Variants in JAZF1 observed in about 807,000 individuals in gnomAD.
The protein encoded by JAZF1 is JAZF zinc finger 1, also known as juxtaposed with another zinc finger protein 1.
Under a neutral mutation model 26.4 loss-of-function variants are expected in JAZF1, and 8 were observed. That is an observed-to-expected ratio of 0.30 (90% confidence interval 0.18 to 0.55). The LOEUF (loss-of-function observed/expected upper bound fraction) is 0.55. JAZF1 is among the 20% of genes least tolerant of loss of function. The pLI is 0.94. For synonymous variants in JAZF1, 126 were observed against 122.3 expected, an observed-to-expected ratio of 1.03 and a Z score of -0.20; for missense variants, 199 against 322.0, an observed-to-expected ratio of 0.62 and a Z score of 2.92.
intron 3 of JAZF1, 122 bp downstream of exon 3, chr7:27,895,098 C>T (rs778088166): frequency 1.1e-4 from 54 of 494,476 alleles, no homozygotes; most frequent in Middle Eastern, 1.0e-3. Context: ...GTGAAAGGAT[C>T]AACGATGTGG....
intron 1 of JAZF1, among the ~76,000 whole-genome samples, chr7:28,089,177 T>G (rs957446630): frequency 1.9e-4 from 29 of 152,224 alleles, no homozygotes; most frequent in African/African-American, 6.8e-4. Flanking sequence ...AATGTGATGG[T>G]CTGTGGCGAT....
chr7:28,088,715 C>T (rs1784247267), intron 1 of JAZF1, among the ~76,000 whole-genome samples: 1 of 152,200 alleles, frequency 6.6e-6, no homozygotes, highest in Non-Finnish European at 1.5e-5. Context: ...TCTGTTAGAA[C>T]TCTGTTATTT....
chr7:27,871,966 T>C (rs1783590967), intron 3 of JAZF1, among the ~76,000 whole-genome samples: 1 of 152,178 alleles, frequency 6.6e-6, no homozygotes, highest in Admixed American at 6.5e-5. Context: ...CTTCAGAAAA[T>C]GCAGCTGAAA....
intron 1 of JAZF1, among the ~76,000 whole-genome samples, chr7:28,111,915 C>T (rs1583566758): frequency 6.6e-6 from 1 of 152,300 alleles, no homozygotes; most frequent in Non-Finnish European, 1.5e-5. Context: ...AAGGAAGAAA[C>T]AAGACTTGGG....
chr7:28,000,314 G>A (rs959478775), intron 1 of JAZF1, among the ~76,000 whole-genome samples: 1 of 152,186 alleles, frequency 6.6e-6, no homozygotes, highest in Non-Finnish European at 1.5e-5. Context: ...TATCTAGGGG[G>A]TAGAGGGCAG....
chr7:28,151,469 T>C (rs1048900814), intron 1 of JAZF1, among the ~76,000 whole-genome samples: 4 of 152,124 alleles, frequency 2.6e-5, no homozygotes, highest in African/African-American at 9.7e-5. Context: ...ATTTTCATGT[T>C]TTCCTTTATT....
intron 2 of JAZF1, among the ~76,000 whole-genome samples, chr7:27,904,882 G>A (rs1363872588): frequency 6.6e-6 from 1 of 151,916 alleles, no homozygotes; most frequent in Non-Finnish European, 1.5e-5. Flanking sequence ...TTGTGTTCTT[G>A]GGTACCAAAC....
At chr7:27,939,466 A>G (rs1022310467) in intron 2 of JAZF1, among the ~76,000 whole-genome samples, 5 of 152,180 alleles carry the variant, frequency 3.3e-5, no homozygotes, top group African/African-American at 1.2e-4. Context: ...TGAGGGCCCC[A>G]AGCCAGTTTT....
At chr7:27,908,141 A>C (rs1331515728) in intron 2 of JAZF1, among the ~76,000 whole-genome samples, 2 of 152,248 alleles carry the variant, frequency 1.3e-5, no homozygotes, top group African/African-American at 4.8e-5. Context: ...TAAAGCAAGA[A>C]TATTAGTGAC....
intron 3 of JAZF1, among the ~76,000 whole-genome samples, chr7:27,894,418 T>C (rs966969425): frequency 6.6e-6 from 1 of 152,200 alleles, no homozygotes; most frequent in African/African-American, 2.4e-5. Context: ...TGTCTTCAGA[T>C]TATTATAGGC....
In JAZF1 at chr7:27,974,259, C is replaced by T. The variant is rs571423596; in HGVS notation, c.188+17650G>A. On this transcript the variant is annotated intron_variant, in intron 2 of 4. Coordinates refer to ENST00000283928, the MANE Select transcript of JAZF1 (RefSeq NM_175061.4). ...GGGTCCTCTCCACATCGGTTAACAG[C>T]CAAGGTCAAGGCACGGAACAAATAC... Among the ~76,000 whole-genome samples the T allele has an allele frequency of 7.2e-5, 11 of 152,102 alleles. No individual in the cohort carries two copies. In the South Asian group the frequency reaches 2.3e-3, roughly 32 times the overall value.
At chr7:28,087,309 C>T (rs1223297109) in intron 1 of JAZF1, among the ~76,000 whole-genome samples, 1 of 150,914 alleles carries the variant, frequency 6.6e-6, no homozygotes, top group African/African-American at 2.5e-5. Flanking sequence ...TGGAAGGGCC[C>T]CTTTAGAAGT....
intron 2 of JAZF1, among the ~76,000 whole-genome samples, chr7:27,956,223 G>A (rs935169950): frequency 3.9e-5 from 6 of 152,102 alleles, no homozygotes; most frequent in Non-Finnish European, 8.8e-5. Context: ...TAGTGGAGGG[G>A]CTGATGTGGC....
At chr7:27,944,483 G>A (rs991490173) in intron 2 of JAZF1, among the ~76,000 whole-genome samples, 8 of 152,120 alleles carry the variant, frequency 5.3e-5, no homozygotes, top group African/African-American at 1.9e-4. Flanking sequence ...GACTTTAGTG[G>A]TAGATTATTT....
chr7:27,864,915 G>T (rs1412063708), intron 3 of JAZF1, among the ~76,000 whole-genome samples: 1 of 152,158 alleles, frequency 6.6e-6, no homozygotes, highest in East Asian at 1.9e-4. Context: ...AAGTTTTTCT[G>T]TGGCAATGGG....
At chr7:28,120,570 C>T (rs183907144) in intron 1 of JAZF1, among the ~76,000 whole-genome samples, 214 of 121,678 alleles carry the variant, frequency 1.8e-3, no homozygotes, top group African/African-American at 6.4e-3. Context: ...TGCAATGGCG[C>T]GATCTTGGCT....
intron 1 of JAZF1, among the ~76,000 whole-genome samples, chr7:28,030,859 G>T (rs185474797): frequency 5.0e-4 from 76 of 152,206 alleles, no homozygotes; most frequent in African/African-American, 1.7e-3. Context: ...TTACTAAGAA[G>T]GTTGTCAAGC....
intron 1 of JAZF1, among the ~76,000 whole-genome samples, chr7:28,110,535 A>AG (rs1447370146): frequency 3.5e-5 from 4 of 113,878 alleles, no homozygotes; most frequent in African/African-American, 1.2e-4. Flanking sequence ...GGAAAAGGAA[A>AG]GGAAAAGGAA....
intron 2 of JAZF1, among the ~76,000 whole-genome samples, chr7:27,962,851 C>T (rs979382249): frequency 1.3e-5 from 2 of 152,150 alleles, no homozygotes; most frequent in African/African-American, 4.8e-5. Context: ...GAACTTTGGC[C>T]CTTGCTGTGG....
Sources: gnomAD v4.1 joint callset for allele counts (sites outside exome capture counted in the v4.1 genomes callset) on GRCh38, gnomAD v4.1.1 for gene constraint, MANE v1.5 for transcripts, NCBI Gene and HGNC (gene_info 2026-07-23, HGNC 2026-07-21) for gene names.